Variants in CPNE4 observed in about 807,000 individuals in gnomAD.
CPNE4 encodes the protein copine-4.
In CPNE4, 25 loss-of-function variants were observed where a neutral mutation model predicts 67.9. The ratio of observed to expected loss-of-function variants is 0.37; its 90% CI spans 0.27 to 0.51. The LOEUF (loss-of-function observed/expected upper bound fraction) is 0.51. Among genes scored for constraint, CPNE4 ranks in the 20% least tolerant of loss-of-function variants. The pLI is 0.93. For synonymous variants in CPNE4, 242 were observed against 244.9 expected (o/e 0.99, Z 0.11); for missense variants, 464 against 690.8 (o/e 0.67, Z 3.68).
chr3:131,655,282 G>A (rs2079924428), intron 7 of CPNE4, among the ~76,000 whole-genome samples: 1 of 152,184 alleles, frequency 6.6e-6, no homozygotes, highest in Non-Finnish European at 1.5e-5. Flanking sequence ...AGGACCCAAT[G>A]ATGTATGTTT....
intron 1 of CPNE4, among the ~76,000 whole-genome samples, chr3:132,027,579 T>C (rs1424894293): frequency 6.6e-6 from 1 of 152,138 alleles, no homozygotes; most frequent in Non-Finnish European, 1.5e-5. Flanking sequence ...AAAAGAAATC[T>C]GACAATGGCT....
intron 2 of CPNE4, among the ~76,000 whole-genome samples, chr3:131,895,673 G>A (rs560190063): frequency 1.3e-5 from 2 of 152,096 alleles, no homozygotes; most frequent in East Asian, 1.9e-4. Context: ...TAAAATGAAT[G>A]CATTTTGATA....
intron 3 of CPNE4, among the ~76,000 whole-genome samples, chr3:131,709,845 T>A (rs2081515444): frequency 6.6e-6 from 1 of 152,236 alleles, no homozygotes; most frequent in African/African-American, 2.4e-5. Flanking sequence ...CTTTTCTGGA[T>A]GTCTTTACAT....
At chr3:131,605,603 T>C (rs926451125) in intron 7 of CPNE4, among the ~76,000 whole-genome samples, 3 of 151,980 alleles carry the variant, frequency 2.0e-5, no homozygotes, top group African/African-American at 7.3e-5. Flanking sequence ...ATGATCAGAG[T>C]AGCAATTTAG....
At chr3:131,628,575 G>C (rs929767924) in intron 7 of CPNE4, among the ~76,000 whole-genome samples, 5 of 151,974 alleles carry the variant, frequency 3.3e-5, no homozygotes, top group South Asian at 2.1e-4. Context: ...CAATTTCAGA[G>C]CCTGTTATTG....
chr3:132,005,332 TATATATATATACACAC>T (rs1163313092), intron 1 of CPNE4, among the ~76,000 whole-genome samples: 1 of 24,078 alleles, frequency 4.2e-5, no homozygotes, highest in Non-Finnish European at 1.1e-4. Flanking sequence ...TATATATATA[TATATATATATACACAC>T]ACACACACAC....
chr3:131,864,556 T>C (rs2086849362), intron 2 of CPNE4, among the ~76,000 whole-genome samples: 1 of 152,012 alleles, frequency 6.6e-6, no homozygotes, highest in Non-Finnish European at 1.5e-5. Flanking sequence ...ACATTGATTT[T>C]GTATCCTGAG....
intron 7 of CPNE4, among the ~76,000 whole-genome samples, chr3:131,602,204 TC>T (rs1939245742): frequency 6.6e-6 from 1 of 151,798 alleles, no homozygotes. Flanking sequence ...TACCCAGGAG[TC>T]TGTGGTTTGT....
chr3:131,622,409 T>G (rs190051944), intron 7 of CPNE4, among the ~76,000 whole-genome samples: 2 of 152,354 alleles, frequency 1.3e-5, no homozygotes, highest in East Asian at 3.9e-4. Context: ...ATCTTAAGAT[T>G]GTTATACTAT....
intron 1 of CPNE4, among the ~76,000 whole-genome samples, chr3:132,021,170 T>C (rs963195709): frequency 6.6e-6 from 1 of 152,216 alleles, no homozygotes; most frequent in Non-Finnish European, 1.5e-5. Flanking sequence ...GCTAATATTA[T>C]GTAGAATGGT....
intron 7 of CPNE4, among the ~76,000 whole-genome samples, chr3:131,656,000 T>C (rs1340232612): frequency 6.6e-6 from 1 of 151,538 alleles, no homozygotes; most frequent in Non-Finnish European, 1.5e-5. Context: ...TTTAGGCCTC[T>C]TTCCCCTCCA....
chr3:131,568,798 C>A (rs926747982), intron 10 of CPNE4, among the ~76,000 whole-genome samples: 3 of 152,032 alleles, frequency 2.0e-5, no homozygotes, highest in Non-Finnish European at 4.4e-5. Context: ...CAACCCCACT[C>A]CTCAGATCCC....
chr3:131,702,381 C>T (rs74397585), intron 3 of CPNE4, among the ~76,000 whole-genome samples: 23,578 of 152,122 alleles, frequency 0.15, 1,878 homozygotes, highest in African/African-American at 0.16. Context: ...TCTAACCTCA[C>T]GGAGCTTACA....
intron 7 of CPNE4, among the ~76,000 whole-genome samples, chr3:131,643,364 TG>T (rs765512744): frequency 6.6e-6 from 1 of 152,238 alleles, no homozygotes; most frequent in Non-Finnish European, 1.5e-5. Flanking sequence ...TGGACTTGCA[TG>T]GGGCTGGTAG....
At chr3:131,655,619 A>G (rs2079936406) in intron 7 of CPNE4, among the ~76,000 whole-genome samples, 1 of 152,180 alleles carries the variant, frequency 6.6e-6, no homozygotes, top group South Asian at 2.1e-4. Context: ...GTTGAAGTAA[A>G]GTTAATTGCC....
At chr3:131,643,521 A>T (rs1159238536) in intron 7 of CPNE4, among the ~76,000 whole-genome samples, 1 of 152,112 alleles carries the variant, frequency 6.6e-6, no homozygotes, top group Non-Finnish European at 1.5e-5. Context: ...TTGGACTTGG[A>T]TTTTTGGGTT....
intron 2 of CPNE4, among the ~76,000 whole-genome samples, chr3:131,817,671 AT>A (rs1358614686): frequency 2.6e-5 from 4 of 152,218 alleles, no homozygotes; most frequent in African/African-American, 9.7e-5. Context: ...GGGAAAAATG[AT>A]TGAAAAGTGC....
At chr3:131,809,945 G>A (rs898929582) in intron 2 of CPNE4, among the ~76,000 whole-genome samples, 1 of 151,936 alleles carries the variant, frequency 6.6e-6, no homozygotes, top group African/African-American at 2.4e-5. Flanking sequence ...AAGGAGTCAT[G>A]GAAAGGAAGA....
intron 7 of CPNE4, among the ~76,000 whole-genome samples, chr3:131,652,788 T>C (rs950469087): frequency 6.6e-6 from 1 of 152,194 alleles, no homozygotes; most frequent in Non-Finnish European, 1.5e-5. Flanking sequence ...CAAACTTATG[T>C]AGGCAACTGC....
Sources: gnomAD v4.1 joint callset for allele counts (sites outside exome capture counted in the v4.1 genomes callset) on GRCh38, gnomAD v4.1.1 for gene constraint, MANE v1.5 for transcripts, NCBI Gene and HGNC (gene_info 2026-07-23, HGNC 2026-07-21) for gene names.